Variants in CDH26 observed in about 807,000 individuals in gnomAD.
CDH26 encodes the protein cadherin 26, also known as cadherin-like protein 26.
CDH26 carries 83 observed loss-of-function variants against 90.3 expected under a neutral mutation model. That is an observed-to-expected ratio of 0.92 (90% CI 0.77 to 1.10). The LOEUF (loss-of-function observed/expected upper bound fraction) is 1.10, where lower values mean the gene tolerates loss of function less well. CDH26 is among the 50% of genes least tolerant of loss of function. The probability of loss-of-function intolerance (pLI) is 0.00; values close to 1 mark genes in which losing one functional copy is unlikely to be tolerated. For synonymous variants in CDH26, 397 were observed against 396.3 expected (o/e 1.00, Z -0.02); for missense variants, 1,013 against 1,037.6 (o/e 0.98, Z 0.33).
chr20:60,001,711 G>C, intron 15 of CDH26: 1 of 749,332 alleles, frequency 1.3e-6, no homozygotes, highest in Non-Finnish European at 1.6e-6. Flanking sequence ...GGGCACCAGA[G>C]ATCATCTATA....
chr20:59,970,119 G>T lies in CDH26; in HGVS notation c.164G>T (p.Arg55Ile). 1 of 1,614,088 alleles carries T rather than the reference G, an allele frequency of 6.2e-7. No homozygotes were observed. Among genetic ancestry groups the T allele is most frequent in the Non-Finnish European group, 8.5e-7 (1 of 1,179,988 alleles). Residue 55 changes from arginine (R) to isoleucine (I), a missense_variant, in exon 3 of 18, where the codon AGA becomes ATA. Arg to Ile is a moderately conservative substitution (Grantham distance 97, BLOSUM62 -3). Coordinates refer to ENST00000348616, the MANE Select transcript of CDH26 (RefSeq NM_177980.4). Reference sequence around the variant, plus strand: ...CAGCCTCTACGGCGATCCAAGAGAAGATGGGTTATCACCACCTTGGAGCTG... The same window carrying T: ...CAGCCTCTACGGCGATCCAAGAGAATATGGGTTATCACCACCTTGGAGCTG... ...IYQPLRRSKR[R>I]WVITTLELEE...
At chr20:60,023,429 G>A (rs1319967531) in intron 7 of CDH26, among the ~76,000 whole-genome samples, 1 of 152,194 alleles carries the variant, frequency 6.6e-6, no homozygotes, top group Non-Finnish European at 1.5e-5. Flanking sequence ...CTCAAATATT[G>A]TGAGCTAGAG....
rs1331909790 is a variant in CDH26, at chr20:60,019,729, AATT to A, written c.948-11496_948-11494del. On this transcript the variant is annotated intron_variant, in intron 7 of 8. Transcript: ENST00000370991. ...TTATAATTGGGGTCTGTTACTAGAG[AATT>A]ATTATGTTCCTTTGGAGGTGTCATG... Among the ~76,000 whole-genome samples, 5 of 152,122 alleles carry A rather than the reference AATT, an allele frequency of 3.3e-5. No individual in the cohort carries two copies. In the East Asian group the frequency reaches 9.6e-4, roughly 29 times the overall value.
At chr20:59,987,378 C>G in intron 7 of CDH26, 75 bp from the exon 8 acceptor site, 2 of 1,138,034 alleles carry the variant, frequency 1.8e-6, no homozygotes, top group Non-Finnish European at 2.4e-6. Flanking sequence ...TGCTTCTCTC[C>G]CTCCTTCCTC....
At chr20:59,997,102 T>C (rs997353916) in intron 13 of CDH26, among the ~76,000 whole-genome samples, 1 of 152,260 alleles carries the variant, frequency 6.6e-6, no homozygotes, top group Non-Finnish European at 1.5e-5. Context: ...AGACAGCCTC[T>C]ACCACAGAGA....
At position 59,992,513 on chromosome 20, in the gene CDH26, T is replaced by G; in HGVS notation, c.1419T>G (p.Val473=). 3.1e-6 allele frequency: 5 copies of G among 1,613,772 alleles called. No homozygotes were observed. Among genetic ancestry groups the G allele is most frequent in the Non-Finnish European group, 4.2e-6 (5 of 1,179,914 alleles). The change falls in exon 10 of 18, where the codon GTT becomes GTG. Residue 473 remains valine, a synonymous_variant. Coordinates refer to ENST00000348616, the MANE Select transcript of CDH26 (RefSeq NM_177980.4). This position sits in a 1 kb window ranked among gnomAD's most constrained non-coding sequence, Gnocchi z 5.0. ...NSFYVIIIHA[V]DDGFPPQTAT... is the part of the protein sequence containing the mutation. The stretch of plus-strand genomic sequence containing the variant: ...TTTATGTAATCATCATTCACGCTGT[T>G]GATGATGGTGAGTGTTTACCCAAAA...
chr20:60,027,724 T>A (rs1327000899), intron 7 of CDH26, among the ~76,000 whole-genome samples: 1 of 152,178 alleles, frequency 6.6e-6, no homozygotes, highest in Non-Finnish European at 1.5e-5. Context: ...AAATGGTCGG[T>A]GCTGCCCAGC....
intron 7 of CDH26, among the ~76,000 whole-genome samples, chr20:60,029,302 C>T (rs1033359803): frequency 2.0e-5 from 3 of 152,082 alleles, no homozygotes; most frequent in African/African-American, 7.2e-5. Flanking sequence ...TAGTCAACAA[C>T]GTAGCATCTA....
At chr20:60,027,576 A>C (rs1017920149) in intron 7 of CDH26, among the ~76,000 whole-genome samples, 2 of 152,168 alleles carry the variant, frequency 1.3e-5, no homozygotes, top group Non-Finnish European at 2.9e-5. Flanking sequence ...GATACTTTTA[A>C]AGGTAAAATT....
intron 7 of CDH26, among the ~76,000 whole-genome samples, chr20:60,021,026 C>T (rs558089454): frequency 1.3e-4 from 20 of 152,324 alleles, no homozygotes; most frequent in Admixed American, 7.2e-4. Context: ...GGCTTCTAGC[C>T]GTCACAGGTA....
chr20:60,005,975 G>A (rs777741477), intron 16 of CDH26, among the ~76,000 whole-genome samples: 2 of 152,124 alleles, frequency 1.3e-5, no homozygotes, highest in Non-Finnish European at 2.9e-5. Flanking sequence ...TCTTCTCATT[G>A]GAATTCCCTT....
chr20:59,988,523 T>C (rs1332479469), intron 8 of CDH26, among the ~76,000 whole-genome samples: 4 of 152,220 alleles, frequency 2.6e-5, no homozygotes, highest in Non-Finnish European at 4.4e-5. Context: ...TCCTTTTAAG[T>C]CAACTGACCA....
chr20:60,034,808 G>A (rs1431525074), downstream of CDH26, among the ~76,000 whole-genome samples: 6 of 152,172 alleles, frequency 3.9e-5, no homozygotes, highest in South Asian at 1.2e-3. Flanking sequence ...ATGGGTTGGC[G>A]ACTGAACACC....
At chr20:60,018,463 C>T (rs2061924008), downstream of CDH26, among the ~76,000 whole-genome samples, 1 of 151,916 alleles carries the variant, frequency 6.6e-6, no homozygotes, top group Non-Finnish European at 1.5e-5. Flanking sequence ...AATATCTTTT[C>T]CACCCCTTCA....
chr20:60,031,949 CTCTT>C (rs780493064), intron 8 of CDH26, among the ~76,000 whole-genome samples: 12 of 152,218 alleles, frequency 7.9e-5, no homozygotes, highest in Non-Finnish European at 1.5e-4. Context: ...GAAGGCCTGC[CTCTT>C]TCTTTAAGTC....
At chr20:59,991,500 C>T (rs763930283) in intron 9 of CDH26, among the ~76,000 whole-genome samples, 15 of 152,212 alleles carry the variant, frequency 9.9e-5, no homozygotes, top group South Asian at 6.2e-4. Context: ...TTCTTCCCCT[C>T]GTTTGTAAAC....
rs367610984 is a variant in CDH26, at chr20:59,972,034, G to C, written c.304G>C (p.Glu102Gln). 4 of 1,613,464 alleles carry C rather than the reference G, an allele frequency of 2.5e-6. No individual in the cohort carries two copies. The highest frequency in any genetic ancestry group is 3.4e-6 in the Non-Finnish European group (4 of 1,179,560). Residue 102 changes from glutamate to glutamine, a missense_variant, in exon 4 of 18, where the codon GAG becomes CAG. Transcript: ENST00000348616. ...TGGACCTGGTGTGGATGAATATCCA[G>C]AGATTGGTTTGTTTTCTCTAGAAGA... ...ISGPGVDEYP[E>Q]IGLFSLEDHE...
chr20:59,966,579 G>A (rs2061152037), intron 1 of CDH26, among the ~76,000 whole-genome samples: 1 of 152,220 alleles, frequency 6.6e-6, no homozygotes, highest in Non-Finnish European at 1.5e-5. Flanking sequence ...ACAATGGGGA[G>A]TTTGGTACCA....
chr20:60,021,849 T>TAC (rs757813328), intron 7 of CDH26, among the ~76,000 whole-genome samples: 2,043 of 42,580 alleles, frequency 0.048, 130 homozygotes, highest in East Asian at 0.19. Context: ...TCCTTATCTG[T>TAC]ACACACACAC....
Sources: gnomAD v4.1 joint callset for allele counts (sites outside exome capture counted in the v4.1 genomes callset) on GRCh38, gnomAD v4.1.1 for gene constraint, Gnocchi (gnomAD v3.1) non-coding constraint, MANE v1.5 for transcripts, NCBI Gene and HGNC (gene_info 2026-07-23, HGNC 2026-07-21) for gene names.